Variants in USO1 observed in about 807,000 individuals in gnomAD.
USO1 encodes the protein general vesicular transport factor p115.
In USO1, 57 loss-of-function variants were observed where a neutral mutation model predicts 124.5. That is an observed-to-expected ratio of 0.46 (90% confidence interval 0.37 to 0.57). The LOEUF (loss-of-function observed/expected upper bound fraction) is 0.57, where lower values mean the gene tolerates loss of function less well. Ranked by LOEUF, USO1 falls within the 20% of genes least tolerant of loss-of-function variation. The pLI is 0.00. For missense variants in USO1, 900 were observed against 1,040.6 expected, an observed-to-expected ratio of 0.86 and a Z score of 1.86; for synonymous variants, 369 against 362.8, an observed-to-expected ratio of 1.02 and a Z score of -0.19.
At chr4:75,778,167 T>G (rs1047968886) in intron 8 of USO1, among the ~76,000 whole-genome samples, 1 of 152,136 alleles carries the variant, frequency 6.6e-6, no homozygotes, top group African/African-American at 2.4e-5. Context: ...CAGTTGAAAA[T>G]CTACTTTTTA....
chr4:75,749,717 C>G (rs1577935467), intron 1 of USO1, among the ~76,000 whole-genome samples: 1 of 149,366 alleles, frequency 6.7e-6, no homozygotes, highest in Non-Finnish European at 1.5e-5. Flanking sequence ...ATTGGCCGAG[C>G]TAGAAAGGAC....
At chr4:75,791,321 C>T (rs1286544917) in intron 12 of USO1, among the ~76,000 whole-genome samples, 2 of 152,090 alleles carry the variant, frequency 1.3e-5, no homozygotes, top group East Asian at 1.9e-4. Flanking sequence ...ACCAGGAGTT[C>T]GAGACCAGCC....
Position 75,800,752 on chromosome 4 carries a change from A to G in USO1, c.1817A>G (p.Tyr606Cys). Residue 606 changes from tyrosine (Y) to cysteine (C), a missense_variant, in exon 16 of 24, where the codon TAC (tyrosine) becomes TGC (cysteine). By Grantham distance (194) the Tyr-to-Cys change is radical (BLOSUM62 -2). Coordinates refer to ENST00000514213, the MANE Select transcript of USO1 (RefSeq NM_003715.4). ...KPQPNFPSPE[Y>C]MIFDHEFTKL... Reference sequence around the variant, plus strand: ...CAGCCAAACTTTCCCAGTCCAGAATACATGATATTTGATCATGAGTTTACG... The same window carrying G: ...CAGCCAAACTTTCCCAGTCCAGAATGCATGATATTTGATCATGAGTTTACG... 6.2e-7 allele frequency: 1 copy of G among 1,613,652 alleles called. No homozygotes were observed.
At chr4:75,794,177 C>T (rs537866174) in intron 13 of USO1, among the ~76,000 whole-genome samples, 4 of 152,274 alleles carry the variant, frequency 2.6e-5, no homozygotes, top group African/African-American at 9.6e-5. Flanking sequence ...AAATTATCCA[C>T]AGTGTTCTTG....
At chr4:75,792,612 A>T (rs1385869092) in intron 12 of USO1, among the ~76,000 whole-genome samples, 1 of 151,894 alleles carries the variant, frequency 6.6e-6, no homozygotes, top group Non-Finnish European at 1.5e-5. Context: ...TGCGAGAATC[A>T]CCTGAGCCTG....
chr4:75,741,921 A>G (rs1484524132), intron 1 of USO1, among the ~76,000 whole-genome samples: 6 of 152,034 alleles, frequency 3.9e-5, no homozygotes, highest in Non-Finnish European at 5.9e-5. Context: ...CTAAGACACA[A>G]ACACCTGTTA....
At chr4:75,802,351 A>C (rs1011278137) in intron 17 of USO1, among the ~76,000 whole-genome samples, 4 of 152,190 alleles carry the variant, frequency 2.6e-5, no homozygotes, top group African/African-American at 9.6e-5. Context: ...ACAGTGAAAA[A>C]AACAAATAGT....
At chr4:75,771,729 G>C (rs1429715499) in intron 7 of USO1, among the ~76,000 whole-genome samples, 1 of 152,108 alleles carries the variant, frequency 6.6e-6, no homozygotes, top group Admixed American at 6.6e-5. Flanking sequence ...ATTTGCTCTG[G>C]ACTTATTTTC....
At chr4:75,775,956 G>A (rs1251929615) in intron 8 of USO1, among the ~76,000 whole-genome samples, 1 of 152,072 alleles carries the variant, frequency 6.6e-6, no homozygotes, top group East Asian at 1.9e-4. Flanking sequence ...CCAAAGATGA[G>A]GCAAAAAAAC....
chr4:75,750,265 C>G (rs928834678), intron 1 of USO1, among the ~76,000 whole-genome samples: 5 of 151,944 alleles, frequency 3.3e-5, no homozygotes, highest in African/African-American at 1.2e-4. Context: ...TAGACCCTGT[C>G]TCTAAAAATT....
At chr4:75,797,442 T>G (rs1159441470) in intron 13 of USO1, among the ~76,000 whole-genome samples, 1 of 149,618 alleles carries the variant, frequency 6.7e-6, no homozygotes, top group Non-Finnish European at 1.5e-5. Context: ...ATTCTGTCTC[T>G]TGATTCCTGC....
chr4:75,737,494 GTTAGCTACCA>G (rs1397167853), intron 1 of USO1, among the ~76,000 whole-genome samples: 1 of 151,840 alleles, frequency 6.6e-6, no homozygotes, highest in Admixed American at 6.6e-5. Flanking sequence ...AAATAAGAGT[GTTAGCTACCA>G]TTAGCTGTCA....
rs1577973675 is a variant in USO1, at chr4:75,804,225, A to G, written c.2078A>G (p.Gln693Arg). Residue 693 changes from glutamine to arginine, a missense_variant, in exon 18 of 24, where the codon CAG (glutamine) becomes CGG (arginine). Gln to Arg is a conservative substitution (Grantham distance 43). Coordinates refer to ENST00000514213, the MANE Select transcript of USO1 (RefSeq NM_003715.4). ...ACGGCAGTCACACAGCAAGTATCAC[A>G]GATCCAGCAGCACAAAGACCAGTAT... ...LQTAVTQQVSQIQQHKDQYNL... is the reference protein window; with the variant it reads ...LQTAVTQQVSRIQQHKDQYNL... 6.2e-7 allele frequency: 1 copy of G among 1,613,710 alleles called. No homozygotes were observed.
At chr4:75,760,820 A>G (rs1055200676) in intron 4 of USO1, among the ~76,000 whole-genome samples, 6 of 152,202 alleles carry the variant, frequency 3.9e-5, no homozygotes, top group Admixed American at 2.6e-4. Context: ...TCCAGAACAC[A>G]TAAAATATTC....
At chr4:75,743,819 T>C (rs1017944577) in intron 1 of USO1, among the ~76,000 whole-genome samples, 10 of 152,132 alleles carry the variant, frequency 6.6e-5, no homozygotes, top group Admixed American at 6.5e-4. Flanking sequence ...CTCTGTCACC[T>C]AGGCTGGAGT....
At chr4:75,754,891 A>T (rs1202151153) in intron 3 of USO1, among the ~76,000 whole-genome samples, 2 of 152,174 alleles carry the variant, frequency 1.3e-5, no homozygotes, top group Non-Finnish European at 2.9e-5. Context: ...ATCACCTCAT[A>T]GTTTCTGTGG....
At chr4:75,779,112 A>G (rs1259318530) in intron 8 of USO1, among the ~76,000 whole-genome samples, 3 of 152,220 alleles carry the variant, frequency 2.0e-5, no homozygotes, top group Admixed American at 6.5e-5. Flanking sequence ...CAGTGCCCAT[A>G]TAAGAGGGCA....
Position 75,748,229 on chromosome 4 carries a change from T to TTTA in USO1, c.67-4144_67-4143insTTA, listed in dbSNP as rs1553897953. Reference sequence around the variant, plus strand: ...GGTATTTCTTTTTTTTTTTTTTTTTTACAGGCTGGAGTGCAGTGGTGTCAC... The same window carrying TTTA: ...GGTATTTCTTTTTTTTTTTTTTTTTTTTAACAGGCTGGAGTGCAGTGGTGTCAC... On this transcript the variant is annotated intron_variant, in intron 1 of 23. Coordinates refer to ENST00000514213, the MANE Select transcript of USO1 (RefSeq NM_003715.4). Among the ~76,000 whole-genome samples, 555 of 147,904 alleles carry TTTA rather than the reference T, an allele frequency of 3.8e-3. 3 individuals carry two copies. The highest frequency in any genetic ancestry group is 0.014 in the African/African-American group (544 of 40,138).
intron 1 of USO1, among the ~76,000 whole-genome samples, chr4:75,731,561 C>CA (rs35766448): frequency 2.6e-4 from 36 of 138,234 alleles, no homozygotes; most frequent in Middle Eastern, 7.5e-3. Flanking sequence ...GACTCCGTCT[C>CA]AAAAAAAAAA....
Sources: allele counts gnomAD v4.1 joint callset (sites outside exome capture counted in the v4.1 genomes callset), GRCh38; gene constraint gnomAD v4.1.1; transcripts MANE v1.5; gene names NCBI Gene and HGNC (gene_info 2026-07-23, HGNC 2026-07-21).